The following RNFT2 variants were observed in gnomAD, a reference collection of about 807,000 sequenced individuals.
RNFT2 encodes the protein E3 ubiquitin-protein ligase RNFT2.
Under a neutral mutation model 53.0 loss-of-function variants are expected in RNFT2, and 36 were observed. That is an observed-to-expected ratio of 0.68 (90% CI 0.52 to 0.90). The LOEUF (loss-of-function observed/expected upper bound fraction) is 0.90, where lower values mean the gene tolerates loss of function less well. Ranked by LOEUF, RNFT2 falls within the 40% of genes least tolerant of loss-of-function variation. The pLI is 0.00. For synonymous variants in RNFT2, 260 were observed against 253.2 expected (o/e 1.03, Z -0.26); for missense variants, 514 against 585.6 (o/e 0.88, Z 1.26).
chr12:116,790,197 A>C (rs1187164363), intron 7 of RNFT2, among the ~76,000 whole-genome samples: 2 of 152,234 alleles, frequency 1.3e-5, no homozygotes, highest in African/African-American at 4.8e-5. Flanking sequence ...GAAATCTGGC[A>C]GCCACACTTA....
At position 116,750,114 on chromosome 12, in the gene RNFT2, C is replaced by T. The variant is rs116754010; in HGVS notation, c.357C>T (p.Gly119=). ...HRQPHHHFHH[G]GHRGGSLLQH... is the part of the protein sequence containing the mutation. ...AGCCCCACCACCATTTCCACCATGG[C>T]GGCCACCGCGGGGGCTCCCTGCTGC... is the stretch of plus-strand genomic sequence containing the variant. The change falls in exon 4 of 11, where the codon GGC becomes GGT. Residue 119 remains glycine, a synonymous_variant. Transcript: ENST00000257575. The T allele has an allele frequency of 0.028, 43,786 of 1,560,622 alleles. 1,396 individuals carry two copies. Among genetic ancestry groups the T allele is most frequent in the African/African-American group, 0.14 (10,390 of 74,088 alleles).
intron 3 of RNFT2, among the ~76,000 whole-genome samples, chr12:116,745,701 A>C (rs1871861358): frequency 6.6e-6 from 1 of 152,234 alleles, no homozygotes. Context: ...TGGTCAAATA[A>C]GTTTGGGGAA....
chr12:116,788,004 CACA>C (rs1874015811), intron 7 of RNFT2, among the ~76,000 whole-genome samples: 1 of 152,074 alleles, frequency 6.6e-6, no homozygotes, highest in African/African-American at 2.4e-5. Flanking sequence ...CTCGGCTCAC[CACA>C]ACCTCTGCCT....
At position 116,779,353 on chromosome 12, in the gene RNFT2, G is replaced by A; in HGVS notation, c.882+5G>A. The A allele has an allele frequency of 6.2e-7, 1 of 1,613,872 alleles. No individual in the cohort carries two copies. ...ATCCTGGCTGTCAAGTCCAAGGTAG[G>A]CACTGGCTGCGGCCACAAGGTAGCC... On this transcript the variant is annotated splice_donor_5th_base_variant and intron_variant, in intron 7 of 10. Transcript: ENST00000257575.
At chr12:116,838,042 A>G (rs1456515690) in intron 10 of RNFT2, among the ~76,000 whole-genome samples, 1 of 152,140 alleles carries the variant, frequency 6.6e-6, no homozygotes, top group African/African-American at 2.4e-5. Context: ...CATAAGTTAT[A>G]GTACATTCTA....
chr12:116,846,547 C>G (rs1877625707), intron 10 of RNFT2, among the ~76,000 whole-genome samples: 1 of 151,664 alleles, frequency 6.6e-6, no homozygotes, highest in African/African-American at 2.4e-5. Context: ...GCCTTCGCCT[C>G]CCAAAGTGCT....
chr12:116,779,451 G>A, intron 7 of RNFT2, 103 bp downstream of exon 7: 4 of 1,233,748 alleles, frequency 3.2e-6, no homozygotes, highest in Non-Finnish European at 4.6e-6. Flanking sequence ...GTGGACTGAT[G>A]TCAGCATATA....
At chr12:116,780,670 CAAA>C (rs534092869) in intron 7 of RNFT2, among the ~76,000 whole-genome samples, 4 of 100,190 alleles carry the variant, frequency 4.0e-5, no homozygotes, top group African/African-American at 3.1e-5. Context: ...GGCATAAAGA[CAAA>C]AAAAAAAAAA....
chr12:116,846,079 A>G (rs927540574), intron 10 of RNFT2, among the ~76,000 whole-genome samples: 3 of 152,186 alleles, frequency 2.0e-5, no homozygotes, highest in Admixed American at 6.5e-5. Flanking sequence ...CCTTCAGAGC[A>G]CTGTCTACAA....
At position 116,750,040 on chromosome 12, in the gene RNFT2, A is replaced by G. The variant is rs763684205; in HGVS notation, c.283A>G (p.Arg95Gly). ...GDVFIQMPAS[R>G]EEGGGRGEGG... is the part of the protein sequence containing the mutation. ...CGTGTTCATCCAGATGCCCGCGTCC[A>G]GGGAGGAAGGAGGGGGCCGGGGCGA... The change falls in exon 4 of 11, where the codon AGG becomes GGG. Residue 95 changes from arginine (R) to glycine (G), a missense_variant. This residue lies in a region of RNFT2 where 237 missense variants were observed against 235.1 expected (regional missense o/e 1.01). Transcript: ENST00000257575. 2 of 1,551,810 alleles carry G rather than the reference A, an allele frequency of 1.3e-6. No homozygotes were observed. Among genetic ancestry groups the G allele is most frequent in the South Asian group, 1.2e-5 (1 of 84,392 alleles).
At chr12:116,843,707 G>A (rs1360956709) in intron 10 of RNFT2, among the ~76,000 whole-genome samples, 138 of 926 alleles carry the variant, frequency 0.15, 4 homozygotes, top group African/African-American at 0.059. Flanking sequence ...CTGGGCCCTG[G>A]GGTAAACCTG....
At position 116,833,498 on chromosome 12, in the gene RNFT2, T is replaced by C. The variant is rs115741476; in HGVS notation, c.883-294T>C. On this transcript the variant is annotated intron_variant, in intron 7 of 10. Coordinates refer to ENST00000257575, the MANE Select transcript of RNFT2 (RefSeq NM_001382266.1). ...CAGCGAGACCCAGAGGGTGACCCACTCTCCAGCCCTCTGCCCAAAGGTGTA... is the reference window on the plus strand; with the variant it reads ...CAGCGAGACCCAGAGGGTGACCCACCCTCCAGCCCTCTGCCCAAAGGTGTA... 4.2e-3 allele frequency among the ~76,000 whole-genome samples: 634 copies of C among 152,220 alleles called. 4 individuals carry two copies. The highest frequency in any genetic ancestry group is 0.014 in the African/African-American group (592 of 41,550).
At chr12:116,794,648 A>AGGG (rs1566083468) in intron 7 of RNFT2, among the ~76,000 whole-genome samples, 5 of 36,744 alleles carry the variant, frequency 1.4e-4, no homozygotes, top group Non-Finnish European at 1.8e-4. Context: ...GGGAGGGGAG[A>AGGG]AGGAAGGAAG....
rs1331515087 is a variant in RNFT2 at position 116,849,531 on chromosome 12, G to A, written c.*83G>A. 2.0e-6 allele frequency: 3 copies of A among 1,471,028 alleles called. No individual in the cohort carries two copies. The highest frequency in any genetic ancestry group is 1.8e-6 in the Non-Finnish European group (2 of 1,107,320). The allele number at this position is 1,471,028 out of a possible 1,614,324, so 91.1% of individuals were successfully genotyped here. ...CCTGCGGGGGCTTCCTGAGAAACAG[G>A]CCTCAAGCACTTACATCCTGCCTCT... On this transcript the variant is annotated 3_prime_UTR_variant, in exon 11 of 11. Transcript: ENST00000257575.
intron 10 of RNFT2, among the ~76,000 whole-genome samples, chr12:116,847,827 C>T (rs1877696983): frequency 6.6e-6 from 1 of 152,044 alleles, no homozygotes; most frequent in East Asian, 1.9e-4. Context: ...GCGCCTGGCC[C>T]TCTCTCTTTT....
chr12:116,823,852 T>C (rs1326327197), intron 7 of RNFT2, among the ~76,000 whole-genome samples: 1 of 152,154 alleles, frequency 6.6e-6, no homozygotes, highest in Non-Finnish European at 1.5e-5. Flanking sequence ...ACACATTTGC[T>C]CATTCATCCT....
chr12:116,811,688 C>T (rs918778568), intron 7 of RNFT2, among the ~76,000 whole-genome samples: 64 of 152,296 alleles, frequency 4.2e-4, no homozygotes, highest in African/African-American at 1.5e-3. Context: ...CGTGCGCGTG[C>T]GTTTGTGCAT....
At chr12:116,836,974 CTAT>C (rs1205450241) in intron 10 of RNFT2, among the ~76,000 whole-genome samples, 1 of 151,830 alleles carries the variant, frequency 6.6e-6, no homozygotes, top group Non-Finnish European at 1.5e-5. Flanking sequence ...CTTCATAGGG[CTAT>C]TATTATGATT....
chr12:116,841,792 TAAATATATATATAAATATATATATAAAA>T (rs1877275286), intron 10 of RNFT2, among the ~76,000 whole-genome samples: 5 of 87,918 alleles, frequency 5.7e-5, no homozygotes, highest in African/African-American at 1.1e-4. Context: ...TATATATATA[TAAATATATATATAAATATATATATAAAA>T]ATATATATAT....
Sources: gnomAD v4.1 joint callset for allele counts (sites outside exome capture counted in the v4.1 genomes callset) on GRCh38, gnomAD v4.1.1 for gene constraint, gnomAD v4.1.1 regional missense constraint, MANE v1.5 for transcripts, NCBI Gene and HGNC (gene_info 2026-07-23, HGNC 2026-07-21) for gene names.